The following ZMAT4 variants were observed in gnomAD, a reference collection of about 807,000 sequenced individuals.
ZMAT4 encodes the protein zinc finger matrin-type protein 4.
In ZMAT4, 17 loss-of-function variants were observed where a neutral mutation model predicts 28.7. That is an observed-to-expected ratio of 0.59 (90% CI 0.41 to 0.89). The LOEUF (loss-of-function observed/expected upper bound fraction) is 0.89. Ranked by LOEUF, ZMAT4 falls within the 40% of genes least tolerant of loss-of-function variation. The probability of loss-of-function intolerance (pLI) is 0.00; values close to 1 mark genes in which losing one functional copy is unlikely to be tolerated. For synonymous variants in ZMAT4, 117 were observed against 109.2 expected (o/e 1.07, Z -0.44); for missense variants, 240 against 283.8 (o/e 0.85, Z 1.11).
chr8:40,863,487 G>A (rs182950979), intron 1 of ZMAT4, among the ~76,000 whole-genome samples: 150 of 152,318 alleles, frequency 9.8e-4, no homozygotes, highest in African/African-American at 3.3e-3. Flanking sequence ...TGGTGTGAAC[G>A]GTGGTGCCTT....
chr8:40,587,356 T>G (rs931561649), intron 5 of ZMAT4, among the ~76,000 whole-genome samples: 19 of 152,132 alleles, frequency 1.2e-4, no homozygotes, highest in African/African-American at 4.6e-4. Context: ...ATTATTAATA[T>G]GTGGGTATCT....
intron 5 of ZMAT4, among the ~76,000 whole-genome samples, chr8:40,651,826 TG>T (rs1262807473): frequency 7.5e-6 from 1 of 132,670 alleles, no homozygotes; most frequent in Non-Finnish European, 1.6e-5. Context: ...AAACAAGCAA[TG>T]GGGAAAGGAT....
intron 2 of ZMAT4, among the ~76,000 whole-genome samples, chr8:40,779,480 G>T (rs1439992583): frequency 1.3e-5 from 2 of 152,144 alleles, no homozygotes; most frequent in Admixed American, 1.3e-4. Context: ...GTGAGGGCAC[G>T]CAAAGCACCC....
intron 1 of ZMAT4, among the ~76,000 whole-genome samples, chr8:40,829,277 C>T (rs1481768697): frequency 6.6e-6 from 1 of 152,246 alleles, no homozygotes; most frequent in Non-Finnish European, 1.5e-5. Flanking sequence ...ATTGCAAAGG[C>T]AGGCACATTG....
chr8:40,603,910 T>C (rs1228194488), intron 5 of ZMAT4, among the ~76,000 whole-genome samples: 1 of 152,210 alleles, frequency 6.6e-6, no homozygotes, highest in Non-Finnish European at 1.5e-5. Flanking sequence ...GTTTTGTAGT[T>C]TTCCTTGTAG....
At chr8:40,763,247 G>A (rs1369116835) in intron 3 of ZMAT4, among the ~76,000 whole-genome samples, 5 of 152,130 alleles carry the variant, frequency 3.3e-5, no homozygotes, top group Admixed American at 6.5e-5. Flanking sequence ...GCAGATGCTC[G>A]TTATCGTCTT....
At chr8:40,721,355 C>A (rs1206484042) in intron 3 of ZMAT4, among the ~76,000 whole-genome samples, 3 of 122,894 alleles carry the variant, frequency 2.4e-5, no homozygotes, top group East Asian at 2.3e-4. Flanking sequence ...ATATGTGCCA[C>A]ATTTTCTTAA....
rs78544620 is a variant in ZMAT4, at chr8:40,612,219, A to G, written c.578-30958T>C. ...ATGAACACTCAATCAATGCTCATTC[A>G]TATCCTCTGTCTTCTTTCTCTTAGA... On this transcript the variant is annotated intron_variant, in intron 5 of 6. Transcript: ENST00000297737. Among the ~76,000 whole-genome samples the G allele has an allele frequency of 2.2e-4, 31 of 141,294 alleles. 1 individual carries two copies. Among genetic ancestry groups the G allele is most frequent in the African/African-American group, 6.8e-4 (28 of 40,930 alleles). 92.7% of individuals were successfully genotyped at this position (141,294 alleles called of 152,430 possible).
intron 1 of ZMAT4, among the ~76,000 whole-genome samples, chr8:40,846,360 C>T (rs1053884959): frequency 6.6e-6 from 1 of 152,160 alleles, no homozygotes; most frequent in African/African-American, 2.4e-5. Context: ...CTGGGACACA[C>T]AGGGAGAGCA....
chr8:40,576,762 G>A (rs931094855), intron 6 of ZMAT4, among the ~76,000 whole-genome samples: 5 of 152,066 alleles, frequency 3.3e-5, no homozygotes, highest in Non-Finnish European at 2.9e-5. Flanking sequence ...GAAAGGTAAA[G>A]GAATCAAACC....
intron 2 of ZMAT4, among the ~76,000 whole-genome samples, chr8:40,794,519 G>T (rs978390475): frequency 6.6e-6 from 1 of 152,212 alleles, no homozygotes; most frequent in African/African-American, 2.4e-5. Flanking sequence ...TTCTTCCGGG[G>T]GAGTTTACTT....
At chr8:40,884,782 C>T (rs2150666696) in intron 1 of ZMAT4, 1 of 152,378 alleles carries the variant, frequency 6.6e-6, no homozygotes, top group Non-Finnish European at 1.5e-5. Flanking sequence ...GTCAGCAAAC[C>T]TATGGCCTAT....
intron 5 of ZMAT4, among the ~76,000 whole-genome samples, chr8:40,671,489 A>T (rs1240250874): frequency 6.6e-6 from 1 of 152,232 alleles, no homozygotes; most frequent in East Asian, 1.9e-4. Context: ...GTAATAAAAA[A>T]GGTACTACTT....
intron 5 of ZMAT4, among the ~76,000 whole-genome samples, chr8:40,581,630 T>G (rs1175641954): frequency 1.3e-5 from 2 of 152,170 alleles, no homozygotes; most frequent in Admixed American, 1.3e-4. Context: ...AGAGAAAAAC[T>G]CTATCCTAAT....
At chr8:40,682,936 G>T (rs1353245833) in intron 4 of ZMAT4, among the ~76,000 whole-genome samples, 7 of 152,126 alleles carry the variant, frequency 4.6e-5, no homozygotes, top group Non-Finnish European at 7.4e-5. Context: ...GGGGATAAAA[G>T]TCCTTTTATG....
intron 3 of ZMAT4, among the ~76,000 whole-genome samples, chr8:40,725,628 T>G (rs909269055): frequency 6.6e-6 from 1 of 152,146 alleles, no homozygotes; most frequent in Non-Finnish European, 1.5e-5. Flanking sequence ...CTGGGGCTTA[T>G]GTACACTAAA....
chr8:40,609,581 A>G (rs772980878), intron 5 of ZMAT4, among the ~76,000 whole-genome samples: 4 of 152,148 alleles, frequency 2.6e-5, no homozygotes, highest in Middle Eastern at 3.2e-3. Context: ...AGGCTCTAAT[A>G]TTGGCCAAGC....
Position 40,856,952 on chromosome 8 carries a change from G to T in ZMAT4, c.-4-31272C>A, listed in dbSNP as rs140840083. 8.9e-4 allele frequency among the ~76,000 whole-genome samples: 136 copies of T among 152,290 alleles called. 2 individuals are homozygous for T. In the South Asian group the frequency reaches 0.013, roughly 14 times the overall value. On this transcript the variant is annotated intron_variant, in intron 1 of 6. Coordinates refer to ENST00000297737, the MANE Select transcript of ZMAT4 (RefSeq NM_024645.3). ...CCTCATCCATTTTTTAACCAGGCAA[G>T]CTCTGCTGTGAAGAAAGTGTTCTCC...
At chr8:40,589,752 C>CTT (rs1554524004) in intron 5 of ZMAT4, among the ~76,000 whole-genome samples, 2 of 146,888 alleles carry the variant, frequency 1.4e-5, no homozygotes, top group African/African-American at 5.0e-5. Flanking sequence ...TTCTTTCTTT[C>CTT]TTTCTTTCTT....
Sources: allele counts gnomAD v4.1 joint callset (sites outside exome capture counted in the v4.1 genomes callset), GRCh38; gene constraint gnomAD v4.1.1; transcripts MANE v1.5; gene names NCBI Gene and HGNC (gene_info 2026-07-23, HGNC 2026-07-21).